Variants in MACROD2 observed in about 807,000 individuals in gnomAD.
The protein encoded by MACROD2 is mono-ADP ribosylhydrolase 2.
A neutral mutation model predicts 70.4 loss-of-function variants in MACROD2; 36 were observed. That is an observed-to-expected ratio of 0.51 (90% CI 0.39 to 0.68). The LOEUF (loss-of-function observed/expected upper bound fraction) is 0.68, where lower values mean the gene tolerates loss of function less well. Ranked by LOEUF, MACROD2 falls within the 30% of genes least tolerant of loss-of-function variation. The pLI, the probability that MACROD2 is intolerant of heterozygous loss-of-function variation, is 0.00. For missense variants in MACROD2, 496 were observed against 538.4 expected (o/e 0.92, Z 0.78); for synonymous variants, 172 against 178.8 (o/e 0.96, Z 0.30).
intron 5 of MACROD2, among the ~76,000 whole-genome samples, chr20:14,859,206 A>G (rs1297737867): frequency 6.6e-6 from 1 of 152,050 alleles, no homozygotes; most frequent in East Asian, 1.9e-4. Context: ...AACCAAAACC[A>G]CCTGTACCCC....
At chr20:15,715,767 G>C (rs1250040859) in intron 8 of MACROD2, among the ~76,000 whole-genome samples, 1 of 152,088 alleles carries the variant, frequency 6.6e-6, no homozygotes, top group Non-Finnish European at 1.5e-5. Flanking sequence ...ACAATGTATT[G>C]AGAACTTATT....
rs1288762781 is a variant in MACROD2 at position 15,291,715 on chromosome 20, AAAG to A, written c.540+61655_540+61657del. Among the ~76,000 whole-genome samples the A allele has an allele frequency of 4.6e-5, 7 of 152,280 alleles. No individual in the cohort carries two copies. The East Asian group carries it at 1.4e-3, about 29-fold the overall frequency. ...AAATCATGACAGTTTCATGACTAAA[AAAG>A]GGAAAAAATTGTGGAGGACACAGCT... On this transcript the variant is annotated intron_variant, in intron 6 of 17. Transcript: ENST00000684519.
intron 6 of MACROD2, among the ~76,000 whole-genome samples, chr20:15,332,372 T>A (rs1233170142): frequency 2.0e-5 from 3 of 151,666 alleles, no homozygotes; most frequent in Non-Finnish European, 4.4e-5. Context: ...GGAGGAAGGT[T>A]TTTTGCTCTA....
intron 3 of MACROD2, among the ~76,000 whole-genome samples, chr20:14,238,501 C>A (rs1012341658): frequency 6.6e-5 from 10 of 152,162 alleles, no homozygotes; most frequent in Non-Finnish European, 1.5e-4. Context: ...TGGAACAAGA[C>A]AAGGATGCCC....
chr20:14,787,742 C>T (rs1026593279), intron 5 of MACROD2, among the ~76,000 whole-genome samples: 1 of 152,026 alleles, frequency 6.6e-6, no homozygotes, highest in Non-Finnish European at 1.5e-5. Context: ...ACACCATTTA[C>T]AAGGGAAGAG....
chr20:15,876,758 C>T (rs570884960), intron 9 of MACROD2, among the ~76,000 whole-genome samples: 3 of 152,256 alleles, frequency 2.0e-5, no homozygotes, highest in South Asian at 2.1e-4. Flanking sequence ...TATTTCTCCA[C>T]GTCGTCTCCA....
chr20:15,451,410 T>A (rs1600429645), intron 7 of MACROD2, among the ~76,000 whole-genome samples: 1 of 90,696 alleles, frequency 1.1e-5, no homozygotes, highest in Non-Finnish European at 2.2e-5. Context: ...TCCTGAAGGG[T>A]GGTAAATAAA....
intron 3 of MACROD2, among the ~76,000 whole-genome samples, chr20:14,141,732 CA>C (rs2054876628): frequency 1.9e-5 from 1 of 53,112 alleles, no homozygotes; most frequent in South Asian, 6.4e-4. Context: ...GCAACAATAG[CA>C]AAACTCCATC....
intron 8 of MACROD2, among the ~76,000 whole-genome samples, chr20:15,797,730 A>G (rs753390559): frequency 2.6e-5 from 4 of 152,174 alleles, no homozygotes; most frequent in African/African-American, 9.7e-5. Context: ...TCAGGGTTCT[A>G]TTAGCATAGA....
chr20:15,551,287 T>A (rs556685099), intron 8 of MACROD2, among the ~76,000 whole-genome samples: 3 of 151,992 alleles, frequency 2.0e-5, no homozygotes, highest in African/African-American at 7.2e-5. Flanking sequence ...CAGCAGGCTC[T>A]CCTATTTCAG....
Position 13,995,744 on chromosome 20 carries a change from C to G in MACROD2, c.-20C>G, listed in dbSNP as rs1369925219. 6.3e-7 allele frequency: 1 copy of G among 1,593,316 alleles called. No homozygotes were observed. The highest frequency in any genetic ancestry group is 8.6e-7 in the Non-Finnish European group (1 of 1,167,766). ...AGCCTGGGGAACTTGCAGCTTAAAG[C>G]CAGCCACCCCCACGGCAACATGTAC... On this transcript the variant is annotated 5_prime_UTR_variant, in exon 1 of 18. Coordinates refer to ENST00000684519, the MANE Select transcript of MACROD2 (RefSeq NM_001351661.2). The surrounding 1 kb of genome is among the most constrained non-coding windows in gnomAD (Gnocchi z 4.3).
intron 3 of MACROD2, among the ~76,000 whole-genome samples, chr20:14,258,994 G>A (rs2082080151): frequency 1.3e-5 from 2 of 152,186 alleles, no homozygotes; most frequent in South Asian, 4.1e-4. Context: ...CCAGGCTGGA[G>A]TGCAGTAGCA....
At chr20:15,088,788 TGC>T (rs1428522560) in intron 5 of MACROD2, among the ~76,000 whole-genome samples, 9 of 151,972 alleles carry the variant, frequency 5.9e-5, no homozygotes, top group Admixed American at 2.6e-4. Context: ...TCTATGTATG[TGC>T]ACAGTACAGG....
chr20:14,185,212 T>C (rs2081335276), intron 3 of MACROD2, among the ~76,000 whole-genome samples: 2 of 152,132 alleles, frequency 1.3e-5, no homozygotes, highest in African/African-American at 4.8e-5. Flanking sequence ...AACTTTAGTA[T>C]CTAGAAATCA....
At chr20:15,386,383 A>T (rs1217137708) in intron 6 of MACROD2, among the ~76,000 whole-genome samples, 1 of 152,186 alleles carries the variant, frequency 6.6e-6, no homozygotes, top group African/African-American at 2.4e-5. Flanking sequence ...ATAATTTTAT[A>T]TAACCCCTTC....
chr20:14,440,715 C>T (rs1405940236), intron 3 of MACROD2, among the ~76,000 whole-genome samples: 1 of 152,134 alleles, frequency 6.6e-6, no homozygotes, highest in African/African-American at 2.4e-5. Flanking sequence ...AAAGGGAAAA[C>T]CATTGCTGAA....
At chr20:15,797,771 A>G (rs868207666) in intron 8 of MACROD2, among the ~76,000 whole-genome samples, 1 of 152,180 alleles carries the variant, frequency 6.6e-6, no homozygotes, top group African/African-American at 2.4e-5. Flanking sequence ...GTGAGCATCA[A>G]AATCACCTGA....
At chr20:15,777,398 A>G (rs902014923) in intron 8 of MACROD2, among the ~76,000 whole-genome samples, 1 of 151,566 alleles carries the variant, frequency 6.6e-6, no homozygotes, top group Non-Finnish European at 1.5e-5. Context: ...ATCTAGTCCA[A>G]CTGTCCTATT....
chr20:15,792,027 C>A (rs2063628915), intron 8 of MACROD2, among the ~76,000 whole-genome samples: 2 of 152,046 alleles, frequency 1.3e-5, no homozygotes, highest in African/African-American at 4.8e-5. Flanking sequence ...AAATAGCCAA[C>A]AAGGCTGTAC....
Sources: allele counts gnomAD v4.1 joint callset (sites outside exome capture counted in the v4.1 genomes callset), GRCh38; gene constraint gnomAD v4.1.1; non-coding constraint Gnocchi (gnomAD v3.1); transcripts MANE v1.5; gene names NCBI Gene and HGNC (gene_info 2026-07-23, HGNC 2026-07-21).